The following ELK3 variants were observed in gnomAD, a reference collection of about 807,000 sequenced individuals.
ELK3 encodes ETS transcription factor ELK3, also known as ETS domain-containing protein Elk-3.
Under a neutral mutation model 28.9 loss-of-function variants are expected in ELK3, and 10 were observed. The ratio of observed to expected loss-of-function variants is 0.35; its 90% CI spans 0.21 to 0.59. ELK3 has a LOEUF of 0.59. Ranked by LOEUF, ELK3 falls within the 20% of genes least tolerant of loss-of-function variation. The pLI, the probability that ELK3 is intolerant of heterozygous loss-of-function variation, is 0.82. For missense variants in ELK3, 463 were observed against 517.3 expected (o/e 0.90, Z 1.02); for synonymous variants, 272 against 243.5 (o/e 1.12, Z -1.09).
At chr12:96,261,994 T>A (rs186077139) in intron 4 of ELK3, among the ~76,000 whole-genome samples, 1 of 150,972 alleles carries the variant, frequency 6.6e-6, no homozygotes, top group East Asian at 1.9e-4. Flanking sequence ...ACTCAGTAGG[T>A]CTGGGATAGG....
intron 2 of ELK3, among the ~76,000 whole-genome samples, chr12:96,239,822 G>C (rs2137028073): frequency 6.6e-6 from 1 of 152,346 alleles, no homozygotes; most frequent in Non-Finnish European, 1.5e-5. Flanking sequence ...TGGGCAGCAT[G>C]GTTTCTGCTC....
chr12:96,244,349 TTC>T (rs1193040244), intron 2 of ELK3, among the ~76,000 whole-genome samples: 1 of 152,178 alleles, frequency 6.6e-6, no homozygotes, highest in African/African-American at 2.4e-5. Context: ...GAGAGACATT[TTC>T]TGTCATTTTT....
intron 2 of ELK3, among the ~76,000 whole-genome samples, chr12:96,235,770 C>A (rs965586110): frequency 5.3e-5 from 8 of 152,150 alleles, no homozygotes; most frequent in African/African-American, 1.9e-4. Context: ...GCAGCTCCCC[C>A]ACCCAGCAGG....
chr12:96,254,960 G>A (rs996383491), intron 3 of ELK3, among the ~76,000 whole-genome samples: 2 of 152,074 alleles, frequency 1.3e-5, no homozygotes, highest in African/African-American at 4.8e-5. Context: ...TATAGCAATA[G>A]GAAGCATTGA....
At chr12:96,229,636 A>T (rs1203649116) in intron 2 of ELK3, among the ~76,000 whole-genome samples, 2 of 141,506 alleles carry the variant, frequency 1.4e-5, no homozygotes, top group South Asian at 4.4e-4. Context: ...GATTCAAGGG[A>T]GTCTCCTGCC....
At chr12:96,216,361 T>A (rs566879044) in intron 1 of ELK3, among the ~76,000 whole-genome samples, 1 of 152,204 alleles carries the variant, frequency 6.6e-6, no homozygotes, top group African/African-American at 2.4e-5. Flanking sequence ...AAACCAGTGT[T>A]TGTTAAGCTG....
At chr12:96,236,663 G>A (rs543998638) in intron 2 of ELK3, among the ~76,000 whole-genome samples, 86 of 152,294 alleles carry the variant, frequency 5.6e-4, no homozygotes, top group African/African-American at 2.0e-3. Flanking sequence ...CCCGGTGCCT[G>A]TACCATCGCA....
rs1165036441 is a variant in ELK3, at chr12:96,269,271, GAACACATCCAA to G, written c.*2094_*2104del. On this transcript the variant is annotated 3_prime_UTR_variant, in exon 5 of 5. Coordinates refer to ENST00000228741, the MANE Select transcript of ELK3 (RefSeq NM_005230.4). ...TTTAAAACTGTGTTGTCAGATAAGA[GAACACATCCAA>G]AATGCATGATTCTTACAAACTAAAG... 3.9e-5 allele frequency: 6 copies of G among 152,208 alleles called. No homozygotes were observed. The East Asian group carries it at 7.7e-4, about 20-fold the overall frequency. The allele number at this position is 152,208 out of a possible 1,614,324, so 9.4% of individuals were successfully genotyped here. A position where few individuals can be genotyped will look rare whatever the true frequency, so the allele number is the denominator to read the frequency against.
intron 1 of ELK3, among the ~76,000 whole-genome samples, chr12:96,219,694 C>T (rs930619290): frequency 1.3e-5 from 2 of 152,170 alleles, no homozygotes; most frequent in Non-Finnish European, 2.9e-5. Context: ...CCAGAGCTGC[C>T]TGGGGGCTCC....
intron 3 of ELK3, among the ~76,000 whole-genome samples, chr12:96,252,737 C>G (rs560695944): frequency 6.6e-6 from 1 of 152,270 alleles, no homozygotes; most frequent in South Asian, 2.1e-4. Flanking sequence ...CACAGATGAG[C>G]AGAGAAAGTG....
In ELK3 at chr12:96,247,728, C is replaced by A. The variant is rs768017638; in HGVS notation, c.996C>A (p.Thr332=). The stretch of plus-strand genomic sequence containing the variant: ...GATCCCTCACCCCAGCCTTCTTCAC[C>A]GCACAGGTAAGAGTCATTCCTGTCA... ...PSGSLTPAFF[T]AQTPNGLLLT... is the part of the protein sequence containing the mutation. Residue 332 remains threonine (T), a synonymous_variant, in exon 3 of 5, where the codon ACC becomes ACA. Coordinates refer to ENST00000228741, the MANE Select transcript of ELK3 (RefSeq NM_005230.4). This position sits in a 1 kb window ranked among gnomAD's most constrained non-coding sequence, Gnocchi z 5.5. 4 of 1,571,542 alleles carry A rather than the reference C, an allele frequency of 2.5e-6. No individual in the cohort carries two copies. In the Admixed American group the frequency reaches 5.7e-5, roughly 22 times the overall value.
chr12:96,230,415 G>A (rs1157454850), intron 2 of ELK3, among the ~76,000 whole-genome samples: 1 of 152,150 alleles, frequency 6.6e-6, no homozygotes, highest in Non-Finnish European at 1.5e-5. Context: ...TACTTAAAAG[G>A]AGAGTGTTGG....
chr12:96,269,501 T>C lies in ELK3; in HGVS notation c.*2321T>C, dbSNP rs1417559607. 6.6e-6 allele frequency: 1 copy of C among 151,848 alleles called. No homozygotes were observed. The highest frequency in any genetic ancestry group is 2.4e-5 in the African/African-American group (1 of 41,432). The allele number at this position is 151,848 out of a possible 1,614,324, so 9.4% of individuals were successfully genotyped here. On this transcript the variant is annotated 3_prime_UTR_variant, in exon 5 of 5. Coordinates refer to ENST00000228741, the MANE Select transcript of ELK3 (RefSeq NM_005230.4). The stretch of plus-strand genomic sequence containing the variant: ...ACAATTTTTTGATGGATGAAAATAC[T>C]CCTGTAACACAAACAGAGAACTGGA...
Position 96,268,703 on chromosome 12 carries a change from TAAAA to T in ELK3, c.*1527_*1530del, listed in dbSNP as rs1276555443. 4.6e-5 allele frequency: 7 copies of T among 152,174 alleles called. No homozygotes were observed. The East Asian group carries it at 1.2e-3, about 25-fold the overall frequency. 9.4% of individuals were successfully genotyped at this position (152,174 alleles called of 1,614,324 possible). On this transcript the variant is annotated 3_prime_UTR_variant, in exon 5 of 5. Transcript: ENST00000228741. Reference sequence around the variant, plus strand: ...TAAGTGGCAGGATTATGAGAAAGGATAAAAAAAGAGATTTGAGAAAACACATTTC... The same window carrying T: ...TAAGTGGCAGGATTATGAGAAAGGATAAAGAGATTTGAGAAAACACATTTC...
Position 96,229,523 on chromosome 12 carries a change from C to CTTT in ELK3, c.207+5774_207+5776dup, listed in dbSNP as rs10578974. Among the ~76,000 whole-genome samples the CTTT allele has an allele frequency of 3.5e-3, 229 of 66,316 alleles. 5 individuals are homozygous for CTTT. Among genetic ancestry groups the CTTT allele is most frequent in the Middle Eastern group, 0.014 (1 of 70 alleles). 43.5% of individuals were successfully genotyped at this position (66,316 alleles called of 152,430 possible). ...CCCCATTCTGTGTGTCCAGATTTTC[C>CTTT]TTTTTTTTTTTTTTTTTTTTTTTTT... On this transcript the variant is annotated intron_variant, in intron 2 of 4. Coordinates refer to ENST00000228741, the MANE Select transcript of ELK3 (RefSeq NM_005230.4).
At position 96,223,787 on chromosome 12, in the gene ELK3, C is replaced by T. The variant is rs753256762; in HGVS notation, c.207+14C>T. The T allele has an allele frequency of 1.1e-5, 18 of 1,612,986 alleles. No homozygotes were observed. The South Asian group carries it at 1.6e-4, about 15-fold the overall frequency. Reference sequence around the variant, plus strand: ...TATTATGACAAGGTAAACCCTTGACCTTGCATGGGGCCGTCTTGGGGAGGG... The same window carrying T: ...TATTATGACAAGGTAAACCCTTGACTTTGCATGGGGCCGTCTTGGGGAGGG... On this transcript the variant is annotated intron_variant, in intron 2 of 4. Transcript: ENST00000228741.
At chr12:96,239,867 GT>G (rs1259129257) in intron 2 of ELK3, among the ~76,000 whole-genome samples, 9 of 152,252 alleles carry the variant, frequency 5.9e-5, no homozygotes. Flanking sequence ...GATGAGCTGG[GT>G]GCCTGGTTAG....
At chr12:96,225,589 C>T (rs901409033) in intron 2 of ELK3, among the ~76,000 whole-genome samples, 5 of 152,216 alleles carry the variant, frequency 3.3e-5, no homozygotes, top group Admixed American at 1.3e-4. Context: ...TAGACAGGTG[C>T]TGCTGTCATC....
intron 3 of ELK3, among the ~76,000 whole-genome samples, chr12:96,256,986 C>A (rs1349080271): frequency 6.6e-6 from 1 of 152,234 alleles, no homozygotes; most frequent in Non-Finnish European, 1.5e-5. Flanking sequence ...GAGGGTCTTA[C>A]TCTTTGCAAA....
Sources: allele counts gnomAD v4.1 joint callset (sites outside exome capture counted in the v4.1 genomes callset), GRCh38; gene constraint gnomAD v4.1.1; non-coding constraint Gnocchi (gnomAD v3.1); transcripts MANE v1.5; gene names NCBI Gene and HGNC (gene_info 2026-07-23, HGNC 2026-07-21).